The following SLCO1B1 variants were observed in gnomAD, a reference collection of about 807,000 sequenced individuals.
SLCO1B1 encodes OATP-2.
In SLCO1B1, 81 loss-of-function variants were observed where a neutral mutation model predicts 70.1. The observed-to-expected ratio is 1.16, with a 90% CI of 0.97 to 1.39. The LOEUF is 1.39. Among genes scored for constraint, SLCO1B1 ranks in the 40% most tolerant of loss-of-function variants. The pLI is 0.00. For missense variants in SLCO1B1, 895 were observed against 799.6 expected (o/e 1.12, Z -1.44); for synonymous variants, 283 against 271.5 (o/e 1.04, Z -0.42).
At chr12:21,139,943 G>A (rs902840565) in intron 1 of SLCO1B1, among the ~76,000 whole-genome samples, 12 of 152,092 alleles carry the variant, frequency 7.9e-5, no homozygotes, top group African/African-American at 2.9e-4. Flanking sequence ...TGAGGGAAAA[G>A]ATACATATGC....
chr12:21,189,806 G>C (rs992349416), intron 7 of SLCO1B1, among the ~76,000 whole-genome samples: 60 of 152,204 alleles, frequency 3.9e-4, no homozygotes, highest in African/African-American at 1.4e-3. Context: ...TATATAAGTG[G>C]AATAGTTAAA....
chr12:21,148,628 T>C (rs1591798964), intron 2 of SLCO1B1, among the ~76,000 whole-genome samples: 1 of 151,944 alleles, frequency 6.6e-6, no homozygotes, highest in East Asian at 1.9e-4. Context: ...GTAGTATCAT[T>C]TAAAGTCAGG....
At chr12:21,171,736 G>T (rs1335709895) in intron 2 of SLCO1B1, among the ~76,000 whole-genome samples, 1 of 152,146 alleles carries the variant, frequency 6.6e-6, no homozygotes, top group Admixed American at 6.6e-5. Context: ...CGGAGGCTGA[G>T]AATTCTGATA....
chr12:21,222,199 A>G, intron 12 of SLCO1B1, 101 bp from the exon 13 acceptor site: 1 of 440,428 alleles, frequency 2.3e-6, no homozygotes, highest in Non-Finnish European at 4.1e-6. Flanking sequence ...CTGTGAGCTT[A>G]ATTCTATCAT....
At chr12:21,237,150 C>T (rs1041804901) in intron 14 of SLCO1B1, among the ~76,000 whole-genome samples, 1 of 152,032 alleles carries the variant, frequency 6.6e-6, no homozygotes, top group African/African-American at 2.4e-5. Context: ...ACTAAATAGT[C>T]TATATGACTC....
intron 14 of SLCO1B1, among the ~76,000 whole-genome samples, chr12:21,226,766 A>AC (rs34882548): frequency 0.34 from 51,628 of 151,886 alleles, 9,101 homozygotes; most frequent in East Asian, 0.45. Context: ...TAACAAAGTT[A>AC]CACACTAATA....
At chr12:21,163,525 C>T (rs559768726) in intron 2 of SLCO1B1, among the ~76,000 whole-genome samples, 1 of 152,236 alleles carries the variant, frequency 6.6e-6, no homozygotes, top group African/African-American at 2.4e-5. Context: ...GTGTCTTAGT[C>T]AATTCAGGCT....
chr12:21,140,682 T>A (rs1403256711), intron 1 of SLCO1B1, among the ~76,000 whole-genome samples: 1 of 151,970 alleles, frequency 6.6e-6, no homozygotes, highest in African/African-American at 2.4e-5. Context: ...GAGAAAGACT[T>A]ATTAAGATTA....
At chr12:21,209,303 G>A (rs571214426) in intron 11 of SLCO1B1, among the ~76,000 whole-genome samples, 126 of 151,684 alleles carry the variant, frequency 8.3e-4, no homozygotes, top group African/African-American at 2.8e-3. Context: ...GTGAGAATAT[G>A]CGGTGTTTGG....
chr12:21,142,314 G>A (rs1294472655), intron 2 of SLCO1B1, among the ~76,000 whole-genome samples: 1 of 151,934 alleles, frequency 6.6e-6, no homozygotes, highest in Admixed American at 6.6e-5. Context: ...AAACAGGAAT[G>A]AGTACTCCTA....
At chr12:21,151,225 A>C (rs977654878) in intron 2 of SLCO1B1, among the ~76,000 whole-genome samples, 1 of 152,186 alleles carries the variant, frequency 6.6e-6, no homozygotes, top group African/African-American at 2.4e-5. Flanking sequence ...TGGTATTATA[A>C]TCTTATGGGA....
chr12:21,196,962 T>C lies in SLCO1B1; in HGVS notation c.744T>C (p.Thr248=), dbSNP rs1351002599. The change falls in exon 8 of 15, where the codon ACT becomes ACC. Residue 248 remains threonine (T), a synonymous_variant. Coordinates refer to ENST00000256958, the MANE Select transcript of SLCO1B1 (RefSeq NM_006446.5). ...GYVDLSTIRI[T]PTDSRWVGAW... is the part of the protein sequence containing the mutation. ...TTATTCTAGGCACTATCAGGATAAC[T>C]CCTACTGATTCTCGATGGGTTGGAG... is the stretch of plus-strand genomic sequence containing the variant. 5 of 1,613,468 alleles carry C rather than the reference T, an allele frequency of 3.1e-6. No individual in the cohort carries two copies. The African/African-American group carries it at 5.3e-5, about 17-fold the overall frequency.
At chr12:21,169,220 G>T (rs938452334) in intron 2 of SLCO1B1, among the ~76,000 whole-genome samples, 1 of 152,062 alleles carries the variant, frequency 6.6e-6, no homozygotes, top group Non-Finnish European at 1.5e-5. Context: ...TCTTGGTATA[G>T]AGTTTTTTAG....
At chr12:21,222,243 G>A in intron 12 of SLCO1B1, 57 bp from the exon 13 acceptor site, 3 of 857,456 alleles carry the variant, frequency 3.5e-6, no homozygotes, top group Non-Finnish European at 5.5e-6. Flanking sequence ...GTTTAATGTT[G>A]TTTCGTTTTG....
chr12:21,171,835 A>T (rs1940758981), intron 2 of SLCO1B1, among the ~76,000 whole-genome samples: 1 of 152,002 alleles, frequency 6.6e-6, no homozygotes, highest in South Asian at 2.1e-4. Context: ...ACTTGGGGGT[A>T]GGGGAGAGAG....
intron 11 of SLCO1B1, among the ~76,000 whole-genome samples, chr12:21,209,979 G>T (rs1378268232): frequency 6.6e-6 from 1 of 151,750 alleles, no homozygotes; most frequent in African/African-American, 2.4e-5. Flanking sequence ...AGATGAGTAG[G>T]TTGTGAAAAT....
chr12:21,169,580 A>G (rs1290614011), intron 2 of SLCO1B1, among the ~76,000 whole-genome samples: 2 of 152,028 alleles, frequency 1.3e-5, no homozygotes, highest in African/African-American at 2.4e-5. Flanking sequence ...TTCATAGTTT[A>G]TAATCTGTTA....
intron 11 of SLCO1B1, among the ~76,000 whole-genome samples, chr12:21,213,434 G>A (rs1259741446): frequency 1.8e-4 from 27 of 151,072 alleles, no homozygotes; most frequent in East Asian, 5.9e-4. Flanking sequence ...CGAGAGATCC[G>A]CTGTTAGTCT....
intron 13 of SLCO1B1, among the ~76,000 whole-genome samples, chr12:21,223,060 G>C (rs1764495442): frequency 6.6e-6 from 1 of 152,080 alleles, no homozygotes; most frequent in African/African-American, 2.4e-5. Flanking sequence ...AGTTTCAATG[G>C]AGATACCTCT....
Sources: gnomAD v4.1 joint callset for allele counts (sites outside exome capture counted in the v4.1 genomes callset) on GRCh38, gnomAD v4.1.1 for gene constraint, MANE v1.5 for transcripts, NCBI Gene and HGNC (gene_info 2026-07-23, HGNC 2026-07-21) for gene names.